Variants in TRPV3 observed in about 807,000 individuals in gnomAD.
TRPV3 encodes the protein VRL-3.
Under a neutral mutation model 87.1 loss-of-function variants are expected in TRPV3, and 88 were observed. The ratio of observed to expected loss-of-function variants is 1.01; its 90% CI spans 0.85 to 1.21. TRPV3 has a LOEUF of 1.21. Ranked by LOEUF, TRPV3 falls within the 50% of genes most tolerant of loss-of-function variation. TRPV3 has a pLI of 0.00. For synonymous variants in TRPV3, 438 were observed against 423.3 expected, an observed-to-expected ratio of 1.03 and a Z score of -0.43; for missense variants, 1,054 against 1,030.1, an observed-to-expected ratio of 1.02 and a Z score of -0.32.
intron 13 of TRPV3, among the ~76,000 whole-genome samples, chr17:3,523,131 A>G (rs189566288): frequency 1.3e-5 from 2 of 152,340 alleles, no homozygotes; most frequent in East Asian, 3.9e-4. Context: ...TAAGACAGTG[A>G]TGGAGAAACT....
At chr17:3,533,568 G>A (rs1286235382) in intron 7 of TRPV3, among the ~76,000 whole-genome samples, 3 of 148,094 alleles carry the variant, frequency 2.0e-5, no homozygotes, top group Admixed American at 6.8e-5. Flanking sequence ...GTGCGATCTC[G>A]CCTCACTGCA....
Position 3,556,698 on chromosome 17 carries a change from G to A in TRPV3, c.-3+978C>T, listed in dbSNP as rs1567648508. Among the ~76,000 whole-genome samples, 1 of 152,156 alleles carries A rather than the reference G, an allele frequency of 6.6e-6. No homozygotes were observed. The highest frequency in any genetic ancestry group is 1.5e-5 in the Non-Finnish European group (1 of 68,014). ...CAGGATGGAGGAGGCATCGGCGAGG[G>A]AGAGCTTTGGCCCTGGAGCGTAGGC... On this transcript the variant is annotated intron_variant, in intron 1 of 17. Coordinates refer to ENST00000576742, the MANE Select transcript of TRPV3 (RefSeq NM_145068.4). This position sits in a 1 kb window ranked among gnomAD's most constrained non-coding sequence, Gnocchi z 4.2.
chr17:3,544,556 TGGAGGG>T lies in TRPV3; in HGVS notation c.311+17_311+22del. 1 of 1,505,952 alleles carries T rather than the reference TGGAGGG, an allele frequency of 6.6e-7. No homozygotes were observed. The highest frequency in any genetic ancestry group is 9.1e-7 in the Non-Finnish European group (1 of 1,097,252). The allele number at this position is 1,505,952 out of a possible 1,614,324, so 93.3% of individuals were successfully genotyped here. ...CCCCAGCCTGGGTGGGCACAGTGGG[TGGAGGG>T]GGAGGGGCAGACTTACCTGGGGCTG... On this transcript the variant is annotated intron_variant, in intron 4 of 17. Transcript: ENST00000576742.
chr17:3,542,380 A>C (rs2074471938), intron 6 of TRPV3, 142 bp downstream of exon 6: 5 of 905,358 alleles, frequency 5.5e-6, no homozygotes, highest in Non-Finnish European at 8.2e-6. Context: ...GGTTGCCTGA[A>C]GCATCCCTGG....
intron 13 of TRPV3, among the ~76,000 whole-genome samples, chr17:3,522,250 T>C (rs2074253925): frequency 6.6e-6 from 1 of 152,186 alleles, no homozygotes; most frequent in African/African-American, 2.4e-5. Context: ...TGCATGTTTC[T>C]CCCTAACTCT....
Position 3,518,272 on chromosome 17 carries a change from G to A in TRPV3, c.2085+304C>T, listed in dbSNP as rs890535940. On this transcript the variant is annotated intron_variant, in intron 15 of 17. Transcript: ENST00000576742. The surrounding 1 kb of genome is among the most constrained non-coding windows in gnomAD (Gnocchi z 4.3). ...AACTGTCACCTCCACTGTCCTAGAC[G>A]CTGTACTCCTCTTAATGCAACCTAA... is the stretch of plus-strand genomic sequence containing the variant. Among the ~76,000 whole-genome samples, 3 of 152,156 alleles carry A rather than the reference G, an allele frequency of 2.0e-5. No homozygotes were observed. The highest frequency in any genetic ancestry group is 4.8e-5 in the African/African-American group (2 of 41,442).
intron 2 of TRPV3, among the ~76,000 whole-genome samples, chr17:3,546,405 G>A (rs1208344360): frequency 6.6e-6 from 1 of 151,646 alleles, no homozygotes; most frequent in East Asian, 1.9e-4. Flanking sequence ...TCATGCCACT[G>A]CACTCCAGTC....
At chr17:3,540,300 G>C (rs1378753574) in intron 6 of TRPV3, among the ~76,000 whole-genome samples, 6 of 152,116 alleles carry the variant, frequency 3.9e-5, no homozygotes, top group African/African-American at 1.2e-4. Context: ...GAAATGCTAA[G>C]AGGAAGGAAG....
chr17:3,550,564 G>A (rs188010949), intron 2 of TRPV3, among the ~76,000 whole-genome samples: 6 of 119,526 alleles, frequency 5.0e-5, no homozygotes, highest in Admixed American at 3.6e-4. Context: ...TCGCTCTGTC[G>A]CCTAGGCTGG....
rs767061806 is a variant in TRPV3, at chr17:3,513,075, T to G, written c.*842A>C. The G allele has an allele frequency of 2.6e-5, 4 of 152,464 alleles. No individual in the cohort carries two copies. Among genetic ancestry groups the G allele is most frequent in the African/African-American group, 4.8e-5 (2 of 41,396 alleles). 9.4% of individuals were successfully genotyped at this position (152,464 alleles called of 1,614,324 possible). A position where few individuals can be genotyped will look rare whatever the true frequency, so the allele number is the denominator to read the frequency against. ...TGCCCGGAGTGTCTCATGCAGACTT[T>G]TGTGTGTGTGAAGAAAAGCTTTTTG... On this transcript the variant is annotated 3_prime_UTR_variant, in exon 18 of 18. Transcript: ENST00000576742.
chr17:3,518,465 G>A lies in TRPV3; in HGVS notation c.2085+111C>T, dbSNP rs2074203566. The A allele has an allele frequency of 3.1e-6, 4 of 1,285,834 alleles. No homozygotes were observed. The highest frequency in any genetic ancestry group is 4.2e-6 in the Non-Finnish European group (4 of 951,602). The allele number at this position is 1,285,834 out of a possible 1,614,324, so 79.7% of individuals were successfully genotyped here. ...CCTGGCCACACACTGAGGAGCTTGT[G>A]CAGATTCTCAGGCCCCACCTCAGAC... On this transcript the variant is annotated intron_variant, in intron 15 of 17. Transcript: ENST00000576742. The surrounding 1 kb of genome is among the most constrained non-coding windows in gnomAD (Gnocchi z 4.3).
intron 7 of TRPV3, among the ~76,000 whole-genome samples, chr17:3,535,160 TCCCTCCGCCC>T (rs1454850238): frequency 7.0e-6 from 1 of 142,242 alleles, no homozygotes; most frequent in African/African-American, 2.6e-5. Flanking sequence ...TTCCTTTCTC[TCCCTCCGCCC>T]TCCTTCCTCC....
intron 6 of TRPV3, among the ~76,000 whole-genome samples, chr17:3,541,027 C>T (rs1171172481): frequency 1.3e-5 from 2 of 152,208 alleles, no homozygotes; most frequent in African/African-American, 4.8e-5. Context: ...ATTACTTTCT[C>T]CCATGAGAAG....
chr17:3,516,609 T>G (rs767776070), intron 15 of TRPV3, 40 bp from the exon 16 acceptor site: 2 of 1,457,260 alleles, frequency 1.4e-6, no homozygotes, highest in Admixed American at 3.3e-5. Flanking sequence ...GCATCCACAC[T>G]CACAAGCACA....
chr17:3,527,632 T>C (rs1435410983), intron 11 of TRPV3: 4 of 255,656 alleles, frequency 1.6e-5, no homozygotes, highest in Admixed American at 5.1e-5. Context: ...GATGGACAGA[T>C]GGAGAGATGG....
chr17:3,552,771 T>A (rs568600372), intron 2 of TRPV3: 16 of 152,288 alleles, frequency 1.1e-4, no homozygotes, highest in African/African-American at 3.9e-4. Flanking sequence ...CAAAACTCTA[T>A]CCTCATTTTT....
rs770367975 is a variant in TRPV3 at position 3,518,693 on chromosome 17, G to A, written c.1968C>T (p.Phe656=). The change falls in exon 15 of 18, where the codon TTC becomes TTT. Residue 656 remains phenylalanine, a synonymous_variant. Coordinates refer to ENST00000576742, the MANE Select transcript of TRPV3 (RefSeq NM_145068.4). This position sits in a 1 kb window ranked among gnomAD's most constrained non-coding sequence, Gnocchi z 4.3. ...QNSKYPILFL[F]LLITYVILTF... ...TGAGGATGACATAGGTGATGAGCAGGAACAGAAAGAGAATGGGATACTTGG... is the reference window on the plus strand; with the variant it reads ...TGAGGATGACATAGGTGATGAGCAGAAACAGAAAGAGAATGGGATACTTGG... The A allele has an allele frequency of 4.3e-6, 7 of 1,610,846 alleles. No homozygotes were observed. The highest frequency in any genetic ancestry group is 3.3e-4 in the Middle Eastern group (2 of 6,060).
In TRPV3 at chr17:3,511,757, A is replaced by C. The variant is rs2150774063; in HGVS notation, c.*2160T>G. On this transcript the variant is annotated 3_prime_UTR_variant, in exon 18 of 18. Transcript: ENST00000576742. ...GCAGGTTAGGCAAATAGAAATCAAT[A>C]ATTGGCTTTATCCATTAACATCCGA... 6.6e-6 allele frequency: 1 copy of C among 152,376 alleles called. No individual in the cohort carries two copies. Among genetic ancestry groups the C allele is most frequent in the Middle Eastern group, 3.4e-3 (1 of 294 alleles). The allele number at this position is 152,376 out of a possible 1,614,324, so 9.4% of individuals were successfully genotyped here.
rs1443334994 is a variant in TRPV3 at position 3,518,555 on chromosome 17, G to A, written c.2085+21C>T. 1 of 1,542,464 alleles carries A rather than the reference G, an allele frequency of 6.5e-7. No homozygotes were observed. The highest frequency in any genetic ancestry group is 1.2e-5 in the South Asian group (1 of 82,190). On this transcript the variant is annotated intron_variant, in intron 15 of 17. Transcript: ENST00000576742. This position sits in a 1 kb window ranked among gnomAD's most constrained non-coding sequence, Gnocchi z 4.3. ...TGAGTCCCGTGGAGGCCCCCACGCT[G>A]GGGTCTCCACCTAGGCTCACCTGCA...
Sources: gnomAD v4.1 joint callset for allele counts (sites outside exome capture counted in the v4.1 genomes callset) on GRCh38, gnomAD v4.1.1 for gene constraint, Gnocchi (gnomAD v3.1) non-coding constraint, MANE v1.5 for transcripts, NCBI Gene and HGNC (gene_info 2026-07-23, HGNC 2026-07-21) for gene names.